Variants in ADD1 observed in about 807,000 individuals in gnomAD.
ADD1 encodes the protein alpha-adducin.
In ADD1, 24 loss-of-function variants were observed where a neutral mutation model predicts 80.5. That is an observed-to-expected ratio of 0.30 (90% CI 0.22 to 0.42). ADD1 has a LOEUF of 0.42. Among genes scored for constraint, ADD1 ranks in the 10% least tolerant of loss-of-function variants. The pLI, the probability that ADD1 is intolerant of heterozygous loss-of-function variation, is 1.00. For synonymous variants in ADD1, 373 were observed against 393.8 expected (o/e 0.95, Z 0.63); for missense variants, 948 against 1,019.0 (o/e 0.93, Z 0.95).
chr4:2,881,840 C>G (rs965616983), intron 2 of ADD1, 58 bp from the exon 3 acceptor site: 1 of 1,486,560 alleles, frequency 6.7e-7, no homozygotes, highest in African/African-American at 1.4e-5. Flanking sequence ...TACTTCTGAC[C>G]CCCTGCCCAA....
At chr4:2,852,056 G>A (rs1727167720) in intron 1 of ADD1, among the ~76,000 whole-genome samples, 2 of 151,892 alleles carry the variant, frequency 1.3e-5, no homozygotes, top group African/African-American at 4.8e-5. Flanking sequence ...GGCTGGTCTC[G>A]AACTCCTGAC....
At chr4:2,845,140 T>A (rs1725990506) in intron 1 of ADD1, among the ~76,000 whole-genome samples, 1 of 152,052 alleles carries the variant, frequency 6.6e-6, no homozygotes, top group South Asian at 2.1e-4. Flanking sequence ...TGGCGCGATC[T>A]CCAGTCACTG....
chr4:2,909,213 C>A, intron 12 of ADD1, 126 bp from the exon 13 acceptor site: 1 of 772,222 alleles, frequency 1.3e-6, no homozygotes, highest in Non-Finnish European at 2.2e-6. Context: ...CTGCCATCAT[C>A]ACTGCCACAC....
At position 2,913,927 on chromosome 4, in the gene ADD1, C is replaced by T. The variant is rs149477298; in HGVS notation, c.1792-957C>T. The stretch of plus-strand genomic sequence containing the variant: ...GCTCCAGGGTAGCCGGGCGTGGTGG[C>T]GGGCGCCTGTAGTCCCAGCTACTCG... On this transcript the variant is annotated intron_variant, in intron 13 of 15. Coordinates refer to ENST00000683351, the MANE Select transcript of ADD1 (RefSeq NM_001354761.2). 3.0e-3 allele frequency among the ~76,000 whole-genome samples: 452 copies of T among 152,012 alleles called. 1 individual carries two copies. Among genetic ancestry groups the T allele is most frequent in the African/African-American group, 0.011 (442 of 41,482 alleles).
intron 4 of ADD1, among the ~76,000 whole-genome samples, chr4:2,893,336 A>G (rs1734626758): frequency 6.6e-6 from 1 of 151,888 alleles, no homozygotes. Flanking sequence ...TTGGCCAGGC[A>G]CAGTGGCTCA....
At chr4:2,910,267 T>C (rs892715530) in intron 13 of ADD1, among the ~76,000 whole-genome samples, 3 of 151,920 alleles carry the variant, frequency 2.0e-5, no homozygotes, top group African/African-American at 7.3e-5. Flanking sequence ...TCTCTTTCAC[T>C]TGTCACACCT....
At chr4:2,855,627 A>T (rs530487840) in intron 1 of ADD1, among the ~76,000 whole-genome samples, 47 of 151,160 alleles carry the variant, frequency 3.1e-4, no homozygotes, top group Non-Finnish European at 2.9e-5. Flanking sequence ...TCAGTGTTTT[A>T]GTCCAGACTT....
At position 2,907,770 on chromosome 4, in the gene ADD1, T is replaced by G; in HGVS notation, c.1534T>G (p.Ser512Ala). 20 of 1,614,142 alleles carry G rather than the reference T, an allele frequency of 1.2e-5. No individual in the cohort carries two copies. Among genetic ancestry groups the G allele is most frequent in the Non-Finnish European group, 1.7e-5 (20 of 1,180,032 alleles). Residue 512 changes from serine (S) to alanine (A), a missense_variant, in exon 11 of 16, where the codon TCC becomes GCC. Ser to Ala is a moderately conservative substitution (Grantham distance 99). Transcript: ENST00000683351. ...GACTAAAGAGGATGGACATAGAACTTCCACCTCTGCTGTCCCTAACCTGTT... is the reference window on the plus strand; with the variant it reads ...GACTAAAGAGGATGGACATAGAACTGCCACCTCTGCTGTCCCTAACCTGTT... ...LWTKEDGHRT[S>A]TSAVPNLFVP...
At chr4:2,844,121 G>C (rs1481357161) in intron 1 of ADD1, 97 bp downstream of exon 1, 1 of 148,660 alleles carries the variant, frequency 6.7e-6, no homozygotes, top group African/African-American at 2.4e-5. Context: ...GGCGGGGGCC[G>C]CGGGGCCTGC....
intron 1 of ADD1, among the ~76,000 whole-genome samples, chr4:2,866,494 G>GT (rs10717054): frequency 2.9e-3 from 429 of 146,798 alleles, no homozygotes; most frequent in African/African-American, 4.7e-3. Context: ...ATTTTAAATC[G>GT]TTTTTTTTTT....
At chr4:2,877,223 CCTT>C (rs771765067) in intron 2 of ADD1, among the ~76,000 whole-genome samples, 39 of 151,550 alleles carry the variant, frequency 2.6e-4, no homozygotes, top group African/African-American at 6.8e-4. Flanking sequence ...CTTTTTTGTC[CCTT>C]CTTCTTCTGA....
Position 2,898,538 on chromosome 4 carries a change from G to A in ADD1, c.984+7G>A, listed in dbSNP as rs769012762. ...GGTTGCCTGTGAGATCCAGGTAGGG[G>A]ACAGCCATTCCAGTCACTCTGCAGT... On this transcript the variant is annotated splice_region_variant and intron_variant, in intron 8 of 15. Transcript: ENST00000683351. The A allele has an allele frequency of 2.5e-6, 4 of 1,611,200 alleles. No individual in the cohort carries two copies. Among genetic ancestry groups the A allele is most frequent in the Middle Eastern group, 1.6e-4 (1 of 6,080 alleles).
At chr4:2,914,243 G>A (rs889768354) in intron 13 of ADD1, among the ~76,000 whole-genome samples, 1 of 152,196 alleles carries the variant, frequency 6.6e-6, no homozygotes, top group African/African-American at 2.4e-5. Flanking sequence ...TTTAAGATTG[G>A]TGTGGTCTGT....
Position 2,910,623 on chromosome 4 carries a change from G to A in ADD1, c.1791+1192G>A, listed in dbSNP as rs1577683111. 4.6e-5 allele frequency among the ~76,000 whole-genome samples: 7 copies of A among 151,880 alleles called. 1 individual carries two copies. The South Asian group carries it at 1.5e-3, about 32-fold the overall frequency. ...CCTCCTGTGTAGAGCCCACGTGAGG[G>A]CAGCACTGAGGACCTTGTTAGGGCT... On this transcript the variant is annotated intron_variant, in intron 13 of 15. Coordinates refer to ENST00000683351, the MANE Select transcript of ADD1 (RefSeq NM_001354761.2).
At chr4:2,906,555 C>T (rs973255267) in intron 10 of ADD1, among the ~76,000 whole-genome samples, 7 of 152,212 alleles carry the variant, frequency 4.6e-5, no homozygotes, top group African/African-American at 1.7e-4. Flanking sequence ...TCAATGTGTA[C>T]ATCCAAGGGG....
intron 1 of ADD1, among the ~76,000 whole-genome samples, chr4:2,856,735 C>CATGAGCCACTGCCTGGCCTTGG (rs1728136788): frequency 6.7e-6 from 1 of 149,666 alleles, no homozygotes. Flanking sequence ...GGACTACAGG[C>CATGAGCCACTGCCTGGCCTTGG]GTGCACCACC....
intron 1 of ADD1, among the ~76,000 whole-genome samples, chr4:2,863,988 C>T (rs1314435717): frequency 6.6e-6 from 1 of 152,152 alleles, no homozygotes; most frequent in Non-Finnish European, 1.5e-5. Flanking sequence ...CACATTTAAC[C>T]CCTATACACT....
chr4:2,911,342 A>T (rs557039325), intron 13 of ADD1, among the ~76,000 whole-genome samples: 1 of 152,244 alleles, frequency 6.6e-6, no homozygotes, highest in South Asian at 2.1e-4. Context: ...AGAAGAAGGA[A>T]CAGTAATCAC....
chr4:2,897,565 T>TA (rs1553843366), intron 6 of ADD1, among the ~76,000 whole-genome samples: 19 of 130,346 alleles, frequency 1.5e-4, no homozygotes, highest in East Asian at 4.2e-4. Context: ...TTTTTTTTTT[T>TA]AGGAGATGAG....
Sources: allele counts gnomAD v4.1 joint callset (sites outside exome capture counted in the v4.1 genomes callset), GRCh38; gene constraint gnomAD v4.1.1; transcripts MANE v1.5; gene names NCBI Gene and HGNC (gene_info 2026-07-23, HGNC 2026-07-21).